The following PTPRT variants were observed in gnomAD, a reference collection of about 807,000 sequenced individuals.
The protein encoded by PTPRT is protein tyrosine phosphatase receptor type T.
A neutral mutation model predicts 176.8 loss-of-function variants in PTPRT; 56 were observed. That is an observed-to-expected ratio of 0.32 (90% confidence interval 0.26 to 0.40). PTPRT has a LOEUF of 0.40. Ranked by LOEUF, PTPRT falls within the 10% of genes least tolerant of loss-of-function variation. The probability of loss-of-function intolerance (pLI) is 1.00; values close to 1 mark genes in which losing one functional copy is unlikely to be tolerated. For synonymous variants in PTPRT, 783 were observed against 739.0 expected, an observed-to-expected ratio of 1.06 and a Z score of -0.96; for missense variants, 1,540 against 1,908.2, an observed-to-expected ratio of 0.81 and a Z score of 3.60.
chr20:42,498,948 C>T (rs2071701262), intron 7 of PTPRT, among the ~76,000 whole-genome samples: 1 of 152,122 alleles, frequency 6.6e-6, no homozygotes, highest in South Asian at 2.1e-4. Context: ...AAAATGTATA[C>T]AATCAAGCTG....
At chr20:42,385,838 C>T (rs1010764616) in intron 9 of PTPRT, among the ~76,000 whole-genome samples, 2 of 152,090 alleles carry the variant, frequency 1.3e-5, no homozygotes, top group African/African-American at 4.8e-5. Context: ...TTCAATTATC[C>T]CCACCTGCCC....
chr20:42,071,840 G>A (rs867383556), downstream of PTPRT, among the ~76,000 whole-genome samples: 5 of 151,688 alleles, frequency 3.3e-5, no homozygotes, highest in South Asian at 4.2e-4. Context: ...TGAACTTTTT[G>A]TGGAGATAAG....
chr20:42,650,786 T>C (rs1040507591), intron 7 of PTPRT, among the ~76,000 whole-genome samples: 3 of 152,088 alleles, frequency 2.0e-5, no homozygotes, highest in Non-Finnish European at 4.4e-5. Flanking sequence ...ATTTTTAAGT[T>C]CTCAGGAAAA....
At chr20:42,867,390 ATTT>A (rs761289845) in intron 2 of PTPRT, among the ~76,000 whole-genome samples, 1,859 of 102,128 alleles carry the variant, frequency 0.018, 44 homozygotes, top group African/African-American at 0.069. Flanking sequence ...AAGAACACAG[ATTT>A]TTTTTTTTTT....
intron 2 of PTPRT, among the ~76,000 whole-genome samples, chr20:42,825,833 C>T (rs2077983242): frequency 6.6e-6 from 1 of 151,888 alleles, no homozygotes; most frequent in Non-Finnish European, 1.5e-5. Flanking sequence ...AAACTGAAGC[C>T]CGTATGTCCA....
At chr20:42,949,742 C>T (rs114077066) in intron 1 of PTPRT, among the ~76,000 whole-genome samples, 320 of 152,306 alleles carry the variant, frequency 2.1e-3, no homozygotes, top group African/African-American at 7.2e-3. Context: ...GCAAAGATAA[C>T]TGAACCACTC....
chr20:42,098,810 C>T (rs938086885), intron 26 of PTPRT, among the ~76,000 whole-genome samples: 6 of 152,232 alleles, frequency 3.9e-5, no homozygotes, highest in South Asian at 2.1e-4. Flanking sequence ...ATTTATGCCT[C>T]GGAGCTCAGC....
intron 7 of PTPRT, among the ~76,000 whole-genome samples, chr20:42,648,469 C>T (rs1311950121): frequency 3.3e-5 from 5 of 152,238 alleles, no homozygotes; most frequent in Non-Finnish European, 5.9e-5. Context: ...AAGGCAGCTG[C>T]TAAGGTTCAG....
At chr20:42,458,042 T>C (rs544212150) in intron 8 of PTPRT, among the ~76,000 whole-genome samples, 90 of 152,298 alleles carry the variant, frequency 5.9e-4, no homozygotes, top group African/African-American at 2.1e-3. Context: ...CTTATGCATG[T>C]AGACTTGGAA....
intron 7 of PTPRT, among the ~76,000 whole-genome samples, chr20:42,552,778 A>C (rs533544870): frequency 2.6e-5 from 4 of 152,316 alleles, no homozygotes; most frequent in African/African-American, 7.2e-5. Flanking sequence ...AGAAAAATGT[A>C]CAAGGGAAGT....
At chr20:43,080,009 A>G (rs773838554) in intron 1 of PTPRT, among the ~76,000 whole-genome samples, 11 of 152,208 alleles carry the variant, frequency 7.2e-5, no homozygotes, top group Non-Finnish European at 1.3e-4. Flanking sequence ...TTAGATTGAG[A>G]ACATTTCCTT....
chr20:42,760,289 T>G (rs1225478788), intron 5 of PTPRT, among the ~76,000 whole-genome samples: 2 of 152,046 alleles, frequency 1.3e-5, no homozygotes, highest in African/African-American at 2.4e-5. Context: ...TTCCTGTCTC[T>G]GCCTTCTCCT....
intron 18 of PTPRT, 51 bp downstream of exon 18, chr20:42,141,864 C>T: frequency 6.8e-7 from 1 of 1,481,390 alleles, no homozygotes; most frequent in Non-Finnish European, 9.4e-7. Flanking sequence ...AGCCTCTTTT[C>T]CCCTGCATCC....
At chr20:42,087,503 T>C (rs1208462101) in intron 27 of PTPRT, among the ~76,000 whole-genome samples, 1 of 149,118 alleles carries the variant, frequency 6.7e-6, no homozygotes, top group Non-Finnish European at 1.5e-5. Context: ...CACCTTGGCC[T>C]CCCAAAGTGC....
intron 18 of PTPRT, among the ~76,000 whole-genome samples, chr20:42,139,546 T>G (rs1022767595): frequency 6.6e-6 from 1 of 152,176 alleles, no homozygotes; most frequent in South Asian, 2.1e-4. Flanking sequence ...AGGAGAACGG[T>G]GAAGAAGCTG....
intron 11 of PTPRT, among the ~76,000 whole-genome samples, chr20:42,343,452 A>G (rs893785563): frequency 6.6e-6 from 1 of 152,182 alleles, no homozygotes; most frequent in Admixed American, 6.5e-5. Flanking sequence ...TACAAGTTGT[A>G]TCTCATCGTC....
intron 21 of PTPRT, among the ~76,000 whole-genome samples, chr20:42,117,224 G>A (rs528212770): frequency 7.2e-5 from 11 of 152,222 alleles, no homozygotes; most frequent in Admixed American, 2.0e-4. Context: ...ATTGGATTAC[G>A]AAAGCCCAGA....
chr20:42,439,851 T>C (rs1220293196), intron 9 of PTPRT, among the ~76,000 whole-genome samples: 1 of 152,198 alleles, frequency 6.6e-6, no homozygotes, highest in African/African-American at 2.4e-5. Flanking sequence ...TTCAGGTAAC[T>C]AGACGCCTAT....
chr20:42,210,794 A>G (rs1442037350), intron 15 of PTPRT, among the ~76,000 whole-genome samples: 2 of 152,214 alleles, frequency 1.3e-5, no homozygotes, highest in African/African-American at 4.8e-5. Context: ...GGAAAAAACT[A>G]CTTTAAAATT....
Sources: gnomAD v4.1 joint callset for allele counts (sites outside exome capture counted in the v4.1 genomes callset) on GRCh38, gnomAD v4.1.1 for gene constraint, MANE v1.5 for transcripts, NCBI Gene and HGNC (gene_info 2026-07-23, HGNC 2026-07-21) for gene names.